The following SELENOF variants were observed in gnomAD, a reference collection of about 807,000 sequenced individuals.
SELENOF encodes the protein selenoprotein F, also known as 15 kDa selenoprotein.
Under a neutral mutation model 20.5 loss-of-function variants are expected in SELENOF, and 16 were observed. The ratio of observed to expected loss-of-function variants is 0.78; its 90% CI spans 0.53 to 1.19. The LOEUF is 1.19. Among genes scored for constraint, SELENOF ranks in the 50% most tolerant of loss-of-function variants. The pLI is 0.00. For synonymous variants in SELENOF, 78 were observed against 74.5 expected (o/e 1.05, Z -0.24); for missense variants, 215 against 194.2 (o/e 1.11, Z -0.64).
chr1:86,879,406 G>T (rs533547042), intron 3 of SELENOF, among the ~76,000 whole-genome samples: 1 of 152,258 alleles, frequency 6.6e-6, no homozygotes, highest in East Asian at 1.9e-4. Context: ...GACTGTTTTT[G>T]ATTAGATATG....
intron 1 of SELENOF, among the ~76,000 whole-genome samples, chr1:86,905,739 T>A (rs1659811954): frequency 1.3e-5 from 2 of 152,188 alleles, no homozygotes; most frequent in African/African-American, 4.8e-5. Flanking sequence ...CTGACTGATC[T>A]TCTAGACTAA....
intron 2 of SELENOF, among the ~76,000 whole-genome samples, chr1:86,899,677 C>A (rs1362299279): frequency 6.7e-6 from 1 of 149,710 alleles, no homozygotes; most frequent in Admixed American, 6.6e-5. Context: ...GGGCGGCTGG[C>A]CTGGCGGGGG....
At chr1:86,867,552 G>A (rs533766428) in intron 4 of SELENOF, among the ~76,000 whole-genome samples, 2 of 152,082 alleles carry the variant, frequency 1.3e-5, no homozygotes, top group African/African-American at 4.8e-5. Context: ...CAGGGGGTGG[G>A]GAAGAGGGAG....
intron 2 of SELENOF, among the ~76,000 whole-genome samples, chr1:86,889,075 A>G (rs917139374): frequency 3.3e-5 from 5 of 152,218 alleles, no homozygotes; most frequent in Admixed American, 3.3e-4. Context: ...ATACAAAAAT[A>G]AAGCTATAAT....
chr1:86,896,320 C>G (rs1659524479), intron 2 of SELENOF, among the ~76,000 whole-genome samples: 1 of 151,910 alleles, frequency 6.6e-6, no homozygotes, highest in Admixed American at 6.6e-5. Context: ...CTCAAAGCAG[C>G]TGAAATCATT....
At chr1:86,878,730 T>C (rs1476438153) in intron 3 of SELENOF, among the ~76,000 whole-genome samples, 1 of 152,172 alleles carries the variant, frequency 6.6e-6, no homozygotes, top group Non-Finnish European at 1.5e-5. Context: ...GAAAGTTAGT[T>C]TGGTATTTGT....
intron 4 of SELENOF, among the ~76,000 whole-genome samples, chr1:86,864,845 G>A (rs542728067): frequency 1.2e-4 from 18 of 152,082 alleles, no homozygotes; most frequent in Admixed American, 6.6e-5. Context: ...TGTTGGCCAG[G>A]TTGGTCTCGA....
intron 2 of SELENOF, among the ~76,000 whole-genome samples, chr1:86,894,759 C>T (rs1414470404): frequency 7.9e-5 from 12 of 152,248 alleles, no homozygotes; most frequent in Middle Eastern, 3.4e-3. Context: ...ATCACCTGAG[C>T]CCTGGAGTTG....
intron 1 of SELENOF, among the ~76,000 whole-genome samples, chr1:86,911,124 TG>T (rs1195410062): frequency 6.6e-6 from 1 of 152,224 alleles, no homozygotes; most frequent in African/African-American, 2.4e-5. Context: ...AAGAAAACTA[TG>T]GAACGTATCT....
At chr1:86,863,674 A>G (rs1333683173) in intron 4 of SELENOF, 69 bp from the exon 5 acceptor site, 27 of 1,396,082 alleles carry the variant, frequency 1.9e-5, no homozygotes, top group Non-Finnish European at 2.5e-5. Context: ...ATCTAAGACA[A>G]AGCAATTCAA....
At chr1:86,907,712 G>A (rs946014088) in intron 1 of SELENOF, among the ~76,000 whole-genome samples, 8 of 152,078 alleles carry the variant, frequency 5.3e-5, no homozygotes, top group South Asian at 4.1e-4. Flanking sequence ...AGCTGGATGC[G>A]GTGGCTCACA....
At chr1:86,894,157 T>C (rs1037171149) in intron 2 of SELENOF, among the ~76,000 whole-genome samples, 2 of 150,674 alleles carry the variant, frequency 1.3e-5, no homozygotes, top group Non-Finnish European at 3.0e-5. Context: ...ATAAATCTCT[T>C]CTCAACCTGG....
chr1:86,882,494 TAAA>T (rs77238406), intron 2 of SELENOF, among the ~76,000 whole-genome samples: 4 of 130,160 alleles, frequency 3.1e-5, no homozygotes, highest in Admixed American at 1.6e-4. Flanking sequence ...TAGCTATTAT[TAAA>T]AAAAAAAAAA....
rs376026677 is a variant in SELENOF at position 86,892,368 on chromosome 1, A to T, written c.252+10913T>A. On this transcript the variant is annotated intron_variant, in intron 2 of 4. Transcript: ENST00000331835. ...TGAATAATGCTTTTATATTATAATT[A>T]GAATATGTTAAAGACATTTAGATTT... Among the ~76,000 whole-genome samples the T allele has an allele frequency of 1.3e-4, 20 of 152,372 alleles. No individual in the cohort carries two copies. The East Asian group carries it at 3.7e-3, about 28-fold the overall frequency.
intron 2 of SELENOF, among the ~76,000 whole-genome samples, chr1:86,899,542 G>T (rs563273962): frequency 3.3e-5 from 5 of 149,558 alleles, no homozygotes; most frequent in African/African-American, 7.4e-5. Context: ...CGGGCGGGGG[G>T]CTGACCCCCC....
intron 2 of SELENOF, among the ~76,000 whole-genome samples, chr1:86,888,481 C>G (rs2102100572): frequency 6.6e-6 from 1 of 152,088 alleles, no homozygotes; most frequent in South Asian, 2.1e-4. Context: ...TGCTATGTTG[C>G]CCAGGTTGGT....
intron 1 of SELENOF, among the ~76,000 whole-genome samples, chr1:86,908,367 A>G (rs1281653954): frequency 1.3e-5 from 2 of 152,246 alleles, no homozygotes; most frequent in Non-Finnish European, 2.9e-5. Context: ...ATATTTTGTT[A>G]AGTACTTTAC....
At chr1:86,909,562 G>A (rs1386662292) in intron 1 of SELENOF, among the ~76,000 whole-genome samples, 1 of 152,128 alleles carries the variant, frequency 6.6e-6, no homozygotes, top group Non-Finnish European at 1.5e-5. Context: ...ACACAACGAA[G>A]GGAATATAAA....
chr1:86,897,749 A>G (rs560995439), intron 2 of SELENOF, among the ~76,000 whole-genome samples: 1 of 152,216 alleles, frequency 6.6e-6, no homozygotes, highest in Admixed American at 6.5e-5. Context: ...ATTTCAAAAA[A>G]ATTTTTTGAA....
Sources: gnomAD v4.1 joint callset for allele counts (sites outside exome capture counted in the v4.1 genomes callset) on GRCh38, gnomAD v4.1.1 for gene constraint, MANE v1.5 for transcripts, NCBI Gene and HGNC (gene_info 2026-07-23, HGNC 2026-07-21) for gene names.